Variants in ZNF676 observed in about 807,000 individuals in gnomAD.
ZNF676 encodes zinc finger protein 676.
ZNF676 carries 4 observed loss-of-function variants against 6.0 expected under a neutral mutation model. The observed-to-expected ratio is 0.67, with a 90% CI of 0.33 to 1.53. ZNF676 has a LOEUF of 1.53. Ranked by LOEUF, ZNF676 falls within the 40% of genes most tolerant of loss-of-function variation. ZNF676 has a pLI of 0.06. For missense variants in ZNF676, 644 were observed against 679.7 expected, an observed-to-expected ratio of 0.95 and a Z score of 0.58; for synonymous variants, 198 against 223.1, an observed-to-expected ratio of 0.89 and a Z score of 1.00.
chr19:22,215,586 A>G, intron 1 of ZNF676: 1 of 1,605,684 alleles, frequency 6.2e-7, no homozygotes, highest in Non-Finnish European at 8.5e-7. Context: ...GCCGGTTCCA[A>G]CCAGCCCAGG....
intron 1 of ZNF676, among the ~76,000 whole-genome samples, chr19:22,212,316 G>T (rs2024137123): frequency 6.6e-6 from 1 of 151,956 alleles, no homozygotes; most frequent in Admixed American, 6.6e-5. Flanking sequence ...TATATAATTA[G>T]ATATTATTTT....
chr19:22,228,634 G>C, the ZNF676 span, among the ~76,000 whole-genome samples: 1 of 152,154 alleles, frequency 6.6e-6, no homozygotes, highest in South Asian at 2.1e-4. Flanking sequence ...ATCTCCTTAA[G>C]CTGATAAGCA....
At chr19:22,255,220 A>G in the ZNF676 span, among the ~76,000 whole-genome samples, 3 of 151,928 alleles carry the variant, frequency 2.0e-5, no homozygotes, top group Admixed American at 6.6e-5. Context: ...ATGTGATTCA[A>G]TTTTTCAACT....
At chr19:22,218,580 G>A (rs1334655066), upstream of ZNF676, among the ~76,000 whole-genome samples, 5 of 150,142 alleles carry the variant, frequency 3.3e-5, no homozygotes, top group Admixed American at 6.7e-5. Context: ...TCCTGACCTC[G>A]TGATCCACCC....
the ZNF676 span, among the ~76,000 whole-genome samples, chr19:22,234,133 A>G: frequency 0.042 from 6,353 of 152,262 alleles, 440 homozygotes; most frequent in African/African-American, 0.14. Flanking sequence ...CCCACTGGGA[A>G]GACTTCCCTT....
chr19:22,235,404 C>T, the ZNF676 span, among the ~76,000 whole-genome samples: 3 of 152,120 alleles, frequency 2.0e-5, no homozygotes, highest in African/African-American at 7.2e-5. Flanking sequence ...GAGTAACACA[C>T]CCAAATGAGG....
chr19:22,182,449 A>G (rs1285043595), intron 2 of ZNF676, among the ~76,000 whole-genome samples: 10 of 151,912 alleles, frequency 6.6e-5, no homozygotes, highest in Admixed American at 1.3e-4. Flanking sequence ...AAAATTGAAT[A>G]GCACTCAATG....
At chr19:22,253,334 A>T in the ZNF676 span, among the ~76,000 whole-genome samples, 1 of 147,152 alleles carries the variant, frequency 6.8e-6, no homozygotes, top group South Asian at 2.2e-4. Flanking sequence ...CACCTGAGGG[A>T]TATGTATATA....
At chr19:22,206,972 T>C (rs917692576) in intron 1 of ZNF676, among the ~76,000 whole-genome samples, 12 of 152,244 alleles carry the variant, frequency 7.9e-5, no homozygotes, top group African/African-American at 2.2e-4. Context: ...CTATGACAAA[T>C]CCACAGCCAA....
At chr19:22,206,002 A>T (rs2024072181) in intron 1 of ZNF676, among the ~76,000 whole-genome samples, 1 of 146,562 alleles carries the variant, frequency 6.8e-6, no homozygotes, top group Non-Finnish European at 1.5e-5. Context: ...CTATGCACAT[A>T]AAAAAAAAAC....
the ZNF676 span, among the ~76,000 whole-genome samples, chr19:22,231,106 T>C: frequency 3.3e-5 from 5 of 151,986 alleles, no homozygotes; most frequent in East Asian, 9.7e-4. Context: ...ATTTTGAGAG[T>C]AAAATCTTTG....
intron 1 of ZNF676, among the ~76,000 whole-genome samples, chr19:22,202,833 A>T (rs1488701742): frequency 6.6e-6 from 1 of 152,222 alleles, no homozygotes; most frequent in Admixed American, 6.5e-5. Flanking sequence ...CATCTTCATG[A>T]CTAGAGGTAG....
chr19:22,196,186 C>G (rs2023964819), intron 1 of ZNF676, among the ~76,000 whole-genome samples: 1 of 152,140 alleles, frequency 6.6e-6, no homozygotes, highest in African/African-American at 2.4e-5. Flanking sequence ...TATGATCAAA[C>G]AGCAAACTGT....
intron 1 of ZNF676, among the ~76,000 whole-genome samples, chr19:22,211,900 A>G: frequency 6.6e-6 from 1 of 152,192 alleles, no homozygotes; most frequent in Admixed American, 6.5e-5. Context: ...TCACTCAGCT[A>G]TAAAAAGCAC....
At chr19:22,232,753 A>G in the ZNF676 span, among the ~76,000 whole-genome samples, 2 of 152,092 alleles carry the variant, frequency 1.3e-5, no homozygotes, top group Admixed American at 6.6e-5. Context: ...GTATGAAACA[A>G]TAATAGAAAA....
chr19:22,253,404 G>GTGTGTATATATATATATA, the ZNF676 span, among the ~76,000 whole-genome samples: 406 of 96,932 alleles, frequency 4.2e-3, 13 homozygotes, highest in Admixed American at 0.039. Flanking sequence ...ATGATAATGT[G>GTGTGTATATATATATATA]TATATATATA....
chr19:22,247,219 CTT>C, the ZNF676 span, among the ~76,000 whole-genome samples: 1 of 152,054 alleles, frequency 6.6e-6, no homozygotes, highest in African/African-American at 2.4e-5. Flanking sequence ...AAAGACCTCT[CTT>C]AATAAAAAGC....
intron 2 of ZNF676, among the ~76,000 whole-genome samples, chr19:22,188,829 A>C (rs1243459868): frequency 6.6e-6 from 1 of 152,158 alleles, no homozygotes; most frequent in Non-Finnish European, 1.5e-5. Context: ...GAGAACTACA[A>C]ACCACAGCTC....
the ZNF676 span, among the ~76,000 whole-genome samples, chr19:22,235,005 AAAGAAAGAAAGAAAGAAAGAAAG>A: frequency 1.4e-3 from 166 of 121,924 alleles, 1 homozygote; most frequent in South Asian, 9.1e-3. Context: ...AGAAAGAAAG[AAAGAAAGAAAGAAAGAAAGAAAG>A]AAAGAAAAGA....
Sources: gnomAD v4.1 joint callset for allele counts (sites outside exome capture counted in the v4.1 genomes callset) on GRCh38, gnomAD v4.1.1 for gene constraint, MANE v1.5 for transcripts, NCBI Gene and HGNC (gene_info 2026-07-23, HGNC 2026-07-21) for gene names.